Variants in TARBP1 observed in about 807,000 individuals in gnomAD.
The protein encoded by TARBP1 is tRNA guanosine 2 -O-methyltransferase TARBP1, also known as tRNA (guanosine(18)-2'-O)-methyltransferase TARBP1.
Under a neutral mutation model 178.6 loss-of-function variants are expected in TARBP1, and 144 were observed. The ratio of observed to expected loss-of-function variants is 0.81; its 90% confidence interval spans 0.70 to 0.93. The LOEUF (loss-of-function observed/expected upper bound fraction) is 0.93. Ranked by LOEUF, TARBP1 falls within the 40% of genes least tolerant of loss-of-function variation. The pLI is 0.00. For missense variants in TARBP1, 2,067 were observed against 2,011.7 expected, an observed-to-expected ratio of 1.03 and a Z score of -0.53; for synonymous variants, 787 against 781.0, an observed-to-expected ratio of 1.01 and a Z score of -0.13.
chr1:234,416,077 C>A (rs905810418), intron 22 of TARBP1, among the ~76,000 whole-genome samples: 18 of 152,184 alleles, frequency 1.2e-4, no homozygotes, highest in Non-Finnish European at 2.5e-4. Context: ...TAACAACTGG[C>A]ACTACTGTGG....
chr1:234,435,244 G>A (rs925460539), intron 13 of TARBP1, among the ~76,000 whole-genome samples: 1 of 152,140 alleles, frequency 6.6e-6, no homozygotes, highest in Non-Finnish European at 1.5e-5. Flanking sequence ...GAGGTCAGGG[G>A]TTCAAAACCA....
chr1:234,472,349 A>AC (rs1669146613), intron 2 of TARBP1, among the ~76,000 whole-genome samples: 2 of 150,808 alleles, frequency 1.3e-5, no homozygotes, highest in Non-Finnish European at 3.0e-5. Context: ...AAAAAAAAAA[A>AC]AAAAAAAACT....
In TARBP1 at chr1:234,427,314, T is replaced by C. The variant is rs443685; in HGVS notation, c.3323+3A>G. 0.36 allele frequency: 580,677 copies of C among 1,598,734 alleles called. 107,833 individuals carry two copies. Among genetic ancestry groups the C allele is most frequent in the South Asian group, 0.45 (40,667 of 89,566 alleles). ...GAAGACAGAGAAAATCTACCATACT[T>C]ACTTTTCCATAACAATATTTGCCGC... On this transcript the variant is annotated splice_donor_region_variant and intron_variant, in intron 19 of 29. Transcript: ENST00000040877.
At chr1:234,401,068 T>C (rs1417842538) in intron 25 of TARBP1, 113 bp downstream of exon 25, 7 of 746,916 alleles carry the variant, frequency 9.4e-6, no homozygotes, top group Admixed American at 5.7e-5. Context: ...TAAGGTGATG[T>C]TTGTAAGCAA....
At chr1:234,430,835 AG>A (rs1490019359) in intron 14 of TARBP1, among the ~76,000 whole-genome samples, 11 of 152,366 alleles carry the variant, frequency 7.2e-5, no homozygotes, top group Admixed American at 6.5e-4. Context: ...CACAAAGCCC[AG>A]GTCTGAATCC....
chr1:234,401,214 T>C lies in TARBP1; in HGVS notation c.4038A>G (p.Ala1346=), dbSNP rs758927107. ...WQRIQEHFFF[A]TFHPLKDYCL... is the part of the protein sequence containing the mutation. ...AATAATCCTTGAGTGGGTGAAATGT[T>C]GCAAAAAAGAAATGCTCCTGAATGC... The change falls in exon 25 of 30, where the codon GCA becomes GCG. Residue 1346 remains alanine, a synonymous_variant. Transcript: ENST00000040877. The C allele has an allele frequency of 6.2e-7, 1 of 1,613,654 alleles. No homozygotes were observed. The highest frequency in any genetic ancestry group is 8.5e-7 in the Non-Finnish European group (1 of 1,179,782).
Position 234,401,213 on chromosome 1 carries a change from T to C in TARBP1, c.4039A>G (p.Thr1347Ala), listed in dbSNP as rs2103043571. 1 of 1,613,674 alleles carries C rather than the reference T, an allele frequency of 6.2e-7. No individual in the cohort carries two copies. The highest frequency in any genetic ancestry group is 8.5e-7 in the Non-Finnish European group (1 of 1,179,792). ...CAATAATCCTTGAGTGGGTGAAATG[T>C]TGCAAAAAAGAAATGCTCCTGAATG... The part of the protein sequence containing the change: ...QRIQEHFFFA[T>A]FHPLKDYCLE... The change falls in exon 25 of 30, where the codon ACA (threonine) becomes GCA (alanine). Residue 1347 changes from threonine (T) to alanine (A), a missense_variant. Transcript: ENST00000040877.
chr1:234,393,284 T>A (rs1378860763), intron 28 of TARBP1, 78 bp downstream of exon 28: 38 of 1,322,152 alleles, frequency 2.9e-5, no homozygotes, highest in Admixed American at 2.4e-4. Flanking sequence ...AACTTTTTTT[T>A]AAACTTTTAT....
chr1:234,478,525 C>T lies in TARBP1; in HGVS notation c.579G>A (p.Gly193=). ...PAEDAAALVA[G]RLLPVLVQCG... ...ATTGGACCAGCACTGGCAGCAGTCGCCCGGCCACCAGCGCCGCCGCGTCCT... is the reference window on the plus strand; with the variant it reads ...ATTGGACCAGCACTGGCAGCAGTCGTCCGGCCACCAGCGCCGCCGCGTCCT... The change falls in exon 1 of 30, where the codon GGG becomes GGA. Residue 193 remains glycine, a synonymous_variant. Transcript: ENST00000040877. 7.3e-7 allele frequency: 1 copy of T among 1,375,958 alleles called. No homozygotes were observed. The highest frequency in any genetic ancestry group is 9.4e-7 in the Non-Finnish European group (1 of 1,061,456). 85.2% of individuals were successfully genotyped at this position (1,375,958 alleles called of 1,614,324 possible).
At chr1:234,453,021 A>G (rs745482702) in intron 9 of TARBP1, among the ~76,000 whole-genome samples, 1 of 152,222 alleles carries the variant, frequency 6.6e-6, no homozygotes, top group Non-Finnish European at 1.5e-5. Context: ...AAAACTATAG[A>G]GAGTAAAAAG....
intron 7 of TARBP1, among the ~76,000 whole-genome samples, 163 bp from the exon 8 acceptor site, chr1:234,459,489 A>C (rs1667624609): frequency 6.6e-6 from 1 of 152,160 alleles, no homozygotes; most frequent in Non-Finnish European, 1.5e-5. Flanking sequence ...TAAGAGCTCA[A>C]TTTTACTATG....
At chr1:234,442,325 G>A (rs1160221840) in intron 12 of TARBP1, among the ~76,000 whole-genome samples, 2 of 152,130 alleles carry the variant, frequency 1.3e-5, no homozygotes, top group Non-Finnish European at 2.9e-5. Flanking sequence ...AAGAAAATAT[G>A]TGCAAACCAC....
At position 234,470,082 on chromosome 1, in the gene TARBP1, C is replaced by T. The variant is rs1199359427; in HGVS notation, c.1099+1106G>A. 3.9e-5 allele frequency among the ~76,000 whole-genome samples: 6 copies of T among 152,222 alleles called. No homozygotes were observed. In the East Asian group the frequency reaches 7.7e-4, roughly 20 times the overall value. On this transcript the variant is annotated intron_variant, in intron 3 of 29. Coordinates refer to ENST00000040877, the MANE Select transcript of TARBP1 (RefSeq NM_005646.4). ...AGGAGTTTGAGACCAGCCTGGCCAA[C>T]GTGGCAAAACCCCGTCTCTACTAAA...
chr1:234,471,161 A>T (rs1327520796), intron 3 of TARBP1, 27 bp downstream of exon 3: 23 of 1,522,458 alleles, frequency 1.5e-5, no homozygotes, highest in Non-Finnish European at 2.0e-5. Context: ...AAATGTTATT[A>T]AAAAATAAAA....
chr1:234,432,827 G>A (rs1014245884), intron 14 of TARBP1, among the ~76,000 whole-genome samples: 2 of 152,180 alleles, frequency 1.3e-5, no homozygotes, highest in African/African-American at 4.8e-5. Flanking sequence ...AAATGAGGTA[G>A]GAAGCCAAGC....
At chr1:234,420,639 G>A in intron 21 of TARBP1, 63 bp downstream of exon 21, 1 of 1,054,908 alleles carries the variant, frequency 9.5e-7, no homozygotes, top group Non-Finnish European at 1.4e-6. Context: ...GATAGTTTCT[G>A]CAAAATAGTT....
intron 10 of TARBP1, among the ~76,000 whole-genome samples, 172 bp from the exon 11 acceptor site, chr1:234,448,751 C>A (rs904696527): frequency 6.6e-6 from 1 of 152,164 alleles, no homozygotes; most frequent in African/African-American, 2.4e-5. Context: ...TTATACATAT[C>A]TATTTCAACA....
chr1:234,413,890 G>A (rs891065758), intron 22 of TARBP1, among the ~76,000 whole-genome samples: 2 of 152,176 alleles, frequency 1.3e-5, no homozygotes, highest in Non-Finnish European at 2.9e-5. Flanking sequence ...TCAGGACCTG[G>A]TCACGAATCA....
In TARBP1 at chr1:234,463,916, T is replaced by C. The variant is rs1307422150; in HGVS notation, c.1320A>G (p.Ile440Met). The C allele has an allele frequency of 1.3e-6, 2 of 1,588,842 alleles. No homozygotes were observed. Among genetic ancestry groups the C allele is most frequent in the African/African-American group, 1.4e-5 (1 of 73,950 alleles). Residue 440 changes from isoleucine to methionine, a missense_variant, in exon 6 of 30, where the codon ATA becomes ATG. Transcript: ENST00000040877. ...TCAGTCCCAATGGAGAACAGCTTCC[T>C]ATTGGCTGGCCTGGGGACCTACAAA... Reference protein sequence around the residue: ...SLYSRSPGQPIGSCSPLGLKL... With the variant: ...SLYSRSPGQPMGSCSPLGLKL...
Sources: allele counts gnomAD v4.1 joint callset (sites outside exome capture counted in the v4.1 genomes callset), GRCh38; gene constraint gnomAD v4.1.1; transcripts MANE v1.5; gene names NCBI Gene and HGNC (gene_info 2026-07-23, HGNC 2026-07-21).